Variants in ARL3 observed in about 807,000 individuals in gnomAD.
ARL3 encodes the protein ADP-ribosylation factor-like protein 3.
Under a neutral mutation model 26.0 loss-of-function variants are expected in ARL3, and 9 were observed. The observed-to-expected ratio is 0.35, with a 90% CI of 0.21 to 0.60. The LOEUF is 0.60. ARL3 is among the 20% of genes least tolerant of loss of function. The pLI is 0.78. For synonymous variants in ARL3, 71 were observed against 78.4 expected (o/e 0.91, Z 0.50); for missense variants, 158 against 215.7 (o/e 0.73, Z 1.67).
intron 1 of ARL3, among the ~76,000 whole-genome samples, chr10:102,706,102 C>A (rs1369214942): frequency 6.6e-6 from 1 of 152,022 alleles, no homozygotes; most frequent in African/African-American, 2.4e-5. Context: ...ATCTCATGTA[C>A]CCTATAAATA....
intron 5 of ARL3, among the ~76,000 whole-genome samples, chr10:102,679,191 C>A (rs2064143653): frequency 1.3e-5 from 2 of 152,294 alleles, no homozygotes; most frequent in South Asian, 4.1e-4. Context: ...AACAATGGTA[C>A]CTCCTCAATC....
chr10:102,695,344 T>C (rs1173710407), intron 3 of ARL3, among the ~76,000 whole-genome samples: 1 of 152,188 alleles, frequency 6.6e-6, no homozygotes, highest in Non-Finnish European at 1.5e-5. Context: ...TGTATTTTGT[T>C]AGATTTATGC....
At chr10:102,708,189 T>C (rs1456993948) in intron 1 of ARL3, among the ~76,000 whole-genome samples, 2 of 152,106 alleles carry the variant, frequency 1.3e-5, no homozygotes, top group African/African-American at 4.8e-5. Context: ...TTTGCTGTTT[T>C]TATCTCATCT....
intron 5 of ARL3, among the ~76,000 whole-genome samples, chr10:102,678,194 C>T (rs1160932859): frequency 2.0e-5 from 3 of 152,034 alleles, no homozygotes; most frequent in Non-Finnish European, 2.9e-5. Flanking sequence ...AAGATGAGGC[C>T]GGTGGCGCCG....
At position 102,674,050 on chromosome 10, in the gene ARL3, C is replaced by A. The variant is rs1564726696; in HGVS notation, c.*2844G>T. ...CAGGCCAGGCCGGATAAGGAGCGGCCAACAGTGAGGGTGGGGCGCAGAGTG... is the reference window on the plus strand; with the variant it reads ...CAGGCCAGGCCGGATAAGGAGCGGCAAACAGTGAGGGTGGGGCGCAGAGTG... On this transcript the variant is annotated 3_prime_UTR_variant, in exon 6 of 6. Coordinates refer to ENST00000260746, the MANE Select transcript of ARL3 (RefSeq NM_004311.4). The A allele has an allele frequency of 1.3e-5, 2 of 152,304 alleles. No individual in the cohort carries two copies. Among genetic ancestry groups the A allele is most frequent in the African/African-American group, 4.8e-5 (2 of 41,314 alleles). 9.4% of individuals were successfully genotyped at this position (152,304 alleles called of 1,614,324 possible).
intron 4 of ARL3, among the ~76,000 whole-genome samples, chr10:102,686,748 G>C (rs1166023202): frequency 3.3e-5 from 5 of 151,654 alleles, no homozygotes; most frequent in Non-Finnish European, 7.4e-5. Flanking sequence ...TACGGTGTGA[G>C]CCGCCGTGCT....
Position 102,714,289 on chromosome 10 carries a change from CCCTCCTCCT to C in ARL3, c.-23_-15del, listed in dbSNP as rs71019606. ...CACACTCACCATCCTCCCGCCGAGT[CCCTCCTCCT>C]CCTCCTCCTCCTGCTGCCTCCCCCG... is the stretch of plus-strand genomic sequence containing the variant. On this transcript the variant is annotated 5_prime_UTR_variant, in exon 1 of 6. Transcript: ENST00000260746. 7.6e-7 allele frequency: 1 copy of C among 1,309,178 alleles called. No homozygotes were observed. Among genetic ancestry groups the C allele is most frequent in the Non-Finnish European group, 9.8e-7 (1 of 1,020,016 alleles). 81.1% of individuals were successfully genotyped at this position (1,309,178 alleles called of 1,614,324 possible).
In ARL3 at chr10:102,704,555, G is replaced by A. The variant is rs1449340752; in HGVS notation, c.147+791C>T. 5.9e-5 allele frequency among the ~76,000 whole-genome samples: 9 copies of A among 152,140 alleles called. No individual in the cohort carries two copies. The East Asian group carries it at 9.7e-4, about 16-fold the overall frequency. On this transcript the variant is annotated intron_variant, in intron 2 of 5. Coordinates refer to ENST00000260746, the MANE Select transcript of ARL3 (RefSeq NM_004311.4). The stretch of plus-strand genomic sequence containing the variant: ...CTAGGGAGGCTGAGGTCCAAGAATC[G>A]CTTGAACCTGGGAGGCGGAGGTTGC...
intron 5 of ARL3, among the ~76,000 whole-genome samples, chr10:102,685,197 C>T (rs1405802259): frequency 7.2e-6 from 1 of 138,894 alleles, no homozygotes; most frequent in Non-Finnish European, 1.5e-5. Context: ...TGCAGTGAGC[C>T]GAGATTGTGC....
chr10:102,704,483 T>C (rs1451189608), intron 2 of ARL3, among the ~76,000 whole-genome samples: 1 of 151,660 alleles, frequency 6.6e-6, no homozygotes, highest in East Asian at 1.9e-4. Flanking sequence ...TACAAAAAAA[T>C]ACAAAAATTA....
rs2064121494 is a variant in ARL3, at chr10:102,674,652, G to C, written c.*2242C>G. ...AGGAGTGGGCAGGGAAGAGGCAAGA[G>C]GGCTTTAAAAAGTATTTTGTTTTTA... On this transcript the variant is annotated 3_prime_UTR_variant, in exon 6 of 6. Coordinates refer to ENST00000260746, the MANE Select transcript of ARL3 (RefSeq NM_004311.4). 1 of 152,248 alleles carries C rather than the reference G, an allele frequency of 6.6e-6. No homozygotes were observed. Among genetic ancestry groups the C allele is most frequent in the Non-Finnish European group, 1.5e-5 (1 of 68,070 alleles). The allele number at this position is 152,248 out of a possible 1,614,324, so 9.4% of individuals were successfully genotyped here. A position where few individuals can be genotyped will look rare whatever the true frequency, so the allele number is the denominator to read the frequency against.
intron 5 of ARL3, among the ~76,000 whole-genome samples, chr10:102,684,621 ATT>A (rs1249126912): frequency 6.6e-6 from 1 of 151,966 alleles, no homozygotes; most frequent in Non-Finnish European, 1.5e-5. Context: ...TGTTAGACAA[ATT>A]TTGATTGTTT....
At chr10:102,682,140 G>A (rs1051238911) in intron 5 of ARL3, among the ~76,000 whole-genome samples, 8 of 152,068 alleles carry the variant, frequency 5.3e-5, no homozygotes, top group Non-Finnish European at 1.0e-4. Context: ...GTCTGGCTTC[G>A]GTTCTCCCTC....
At position 102,714,325 on chromosome 10, in the gene ARL3, T is replaced by C. The variant is rs756196713; in HGVS notation, c.-50A>G. ...CTCCTCCTCCTGCTGCCTCCCCCGTTACCAGGGGCAACTGCTGCGGCGCCG... is the reference window on the plus strand; with the variant it reads ...CTCCTCCTCCTGCTGCCTCCCCCGTCACCAGGGGCAACTGCTGCGGCGCCG... On this transcript the variant is annotated 5_prime_UTR_variant, in exon 1 of 6. Coordinates refer to ENST00000260746, the MANE Select transcript of ARL3 (RefSeq NM_004311.4). 5.4e-6 allele frequency: 7 copies of C among 1,302,974 alleles called. No homozygotes were observed. Among genetic ancestry groups the C allele is most frequent in the African/African-American group, 1.5e-5 (1 of 66,256 alleles). The allele number at this position is 1,302,974 out of a possible 1,614,324, so 80.7% of individuals were successfully genotyped here.
intron 3 of ARL3, among the ~76,000 whole-genome samples, chr10:102,692,318 A>C (rs2064222396): frequency 6.6e-6 from 1 of 152,248 alleles, no homozygotes; most frequent in African/African-American, 2.4e-5. Flanking sequence ...AATCCAGCAG[A>C]TGAACAGATA....
intron 3 of ARL3, among the ~76,000 whole-genome samples, chr10:102,693,374 T>C (rs2064230002): frequency 6.6e-6 from 1 of 152,202 alleles, no homozygotes; most frequent in Admixed American, 6.5e-5. Flanking sequence ...TTTTTTTTAT[T>C]TTAGCCAGTC....
chr10:102,694,430 G>A (rs2064236682), intron 3 of ARL3, among the ~76,000 whole-genome samples: 1 of 152,134 alleles, frequency 6.6e-6, no homozygotes, highest in African/African-American at 2.4e-5. Flanking sequence ...TATAGTGTTT[G>A]GGTTTTACAT....
chr10:102,690,215 C>G (rs1412550544), intron 3 of ARL3, among the ~76,000 whole-genome samples: 1 of 151,810 alleles, frequency 6.6e-6, no homozygotes, highest in Admixed American at 6.6e-5. Context: ...TTAATGGGCA[C>G]TTGATGTTGT....
intron 5 of ARL3, among the ~76,000 whole-genome samples, chr10:102,681,135 C>T (rs2064154198): frequency 6.6e-6 from 1 of 152,128 alleles, no homozygotes; most frequent in African/African-American, 2.4e-5. Context: ...CGCCTGTAAT[C>T]CCAGCACTTT....
Sources: allele counts gnomAD v4.1 joint callset (sites outside exome capture counted in the v4.1 genomes callset), GRCh38; gene constraint gnomAD v4.1.1; transcripts MANE v1.5; gene names NCBI Gene and HGNC (gene_info 2026-07-23, HGNC 2026-07-21).